The following PTPRD variants were observed in gnomAD, a reference collection of about 807,000 sequenced individuals.
PTPRD encodes receptor-type tyrosine-protein phosphatase delta.
In PTPRD, 34 loss-of-function variants were observed where a neutral mutation model predicts 214.5. The observed-to-expected ratio is 0.16, with a 90% CI of 0.12 to 0.21. The LOEUF (loss-of-function observed/expected upper bound fraction) is 0.21, where lower values mean the gene tolerates loss of function less well. Among genes scored for constraint, PTPRD ranks in the 10% least tolerant of loss-of-function variants. The pLI, the probability that PTPRD is intolerant of heterozygous loss-of-function variation, is 1.00. For missense variants in PTPRD, 2,545 were observed against 2,398.7 expected (o/e 1.06, Z -1.27); for synonymous variants, 1,128 against 845.7 (o/e 1.33, Z -5.79).
At chr9:10,464,570 C>T (rs2098981144) in intron 2 of PTPRD, among the ~76,000 whole-genome samples, 1 of 151,700 alleles carries the variant, frequency 6.6e-6, no homozygotes, top group Admixed American at 6.6e-5. Flanking sequence ...GTGAGGAGAG[C>T]ATACAGAATA....
intron 9 of PTPRD, among the ~76,000 whole-genome samples, chr9:9,333,239 G>C (rs544761162): frequency 1.3e-5 from 2 of 151,786 alleles, no homozygotes; most frequent in African/African-American, 4.8e-5. Context: ...CTTTGTAGGT[G>C]ACATAGAATA....
In PTPRD at chr9:9,339,574, C is replaced by T. The variant is rs1302917946; in HGVS notation, c.-203+57875G>A. 3.3e-5 allele frequency among the ~76,000 whole-genome samples: 5 copies of T among 152,182 alleles called. No homozygotes were observed. In the East Asian group the frequency reaches 9.6e-4, roughly 29 times the overall value. ...ATAAGTGCCTGGTATAGTCCTAACT[C>T]ACAGTTGTTACATAACACATATTTA... is the stretch of plus-strand genomic sequence containing the variant. On this transcript the variant is annotated intron_variant, in intron 9 of 45. Transcript: ENST00000381196.
intron 12 of PTPRD, among the ~76,000 whole-genome samples, chr9:8,662,300 T>C (rs1385432460): frequency 1.3e-5 from 2 of 151,636 alleles, no homozygotes; most frequent in Non-Finnish European, 2.9e-5. Flanking sequence ...ACTGCTATGT[T>C]GGAAAACAAA....
chr9:8,814,841 T>A (rs1320981034), intron 11 of PTPRD, among the ~76,000 whole-genome samples: 1 of 152,224 alleles, frequency 6.6e-6, no homozygotes, highest in Admixed American at 6.5e-5. Context: ...ACCCTTAACC[T>A]TAATAAGAGG....
chr9:8,892,760 C>T (rs918579360), intron 11 of PTPRD, among the ~76,000 whole-genome samples: 1 of 150,350 alleles, frequency 6.7e-6, no homozygotes, highest in Non-Finnish European at 1.5e-5. Context: ...CAAAGTTCTA[C>T]GGAAGCTCAG....
intron 4 of PTPRD, among the ~76,000 whole-genome samples, chr9:9,966,379 A>G (rs1443408422): frequency 6.6e-6 from 1 of 152,138 alleles, no homozygotes; most frequent in Non-Finnish European, 1.5e-5. Flanking sequence ...ATGTTCTTTC[A>G]AAGTAAATTT....
chr9:8,894,161 C>T (rs559990389), intron 11 of PTPRD, among the ~76,000 whole-genome samples: 42 of 151,944 alleles, frequency 2.8e-4, no homozygotes, highest in Non-Finnish European at 2.6e-4. Flanking sequence ...TGAGACTAGC[C>T]TGGCTAATGT....
At chr9:10,436,149 G>A (rs891389573) in intron 2 of PTPRD, among the ~76,000 whole-genome samples, 2 of 151,736 alleles carry the variant, frequency 1.3e-5, no homozygotes, top group African/African-American at 2.4e-5. Context: ...CACATTAGAA[G>A]ATGATAATAT....
intron 2 of PTPRD, among the ~76,000 whole-genome samples, chr9:10,388,370 C>A (rs923193281): frequency 3.3e-5 from 5 of 151,262 alleles, no homozygotes; most frequent in African/African-American, 1.2e-4. Context: ...GAATACAAGT[C>A]TGCATTTCTT....
chr9:8,881,960 T>A (rs2098449685), intron 11 of PTPRD, among the ~76,000 whole-genome samples: 1 of 152,188 alleles, frequency 6.6e-6, no homozygotes, highest in South Asian at 2.1e-4. Context: ...ACCATGTTTT[T>A]TCCTGCTGGG....
chr9:9,201,541 T>C lies in PTPRD; in HGVS notation c.-202-18178A>G, dbSNP rs541831398. ...GACATACATGGGGAATAGAGTACTA[T>C]ATTATAGACTTGGTGATTAAAAAAA... On this transcript the variant is annotated intron_variant, in intron 9 of 45. Transcript: ENST00000381196. 8.3e-4 allele frequency among the ~76,000 whole-genome samples: 127 copies of C among 152,268 alleles called. 1 individual carries two copies. Among genetic ancestry groups the C allele is most frequent in the African/African-American group, 3.0e-3 (125 of 41,552 alleles).
rs60685115 is a variant in PTPRD at position 8,490,802 on chromosome 9, G to A, written c.2467+2060C>T. The stretch of plus-strand genomic sequence containing the variant: ...TCCAAGATATGATTCTTTACAGGTT[G>A]TAGAAACAAGGTATAATAAACAAAT... On this transcript the variant is annotated intron_variant, in intron 27 of 45. Transcript: ENST00000381196. Among the ~76,000 whole-genome samples the A allele has an allele frequency of 1.8e-3, 275 of 152,274 alleles. 1 individual carries two copies. The highest frequency in any genetic ancestry group is 6.4e-3 in the African/African-American group (266 of 41,560).
intron 14 of PTPRD, among the ~76,000 whole-genome samples, chr9:8,627,951 G>T (rs534845147): frequency 6.6e-6 from 1 of 151,858 alleles, no homozygotes; most frequent in Non-Finnish European, 1.5e-5. Context: ...AAGCTTTATC[G>T]TGTTGGTATC....
chr9:9,943,130 A>G (rs1241742623), intron 4 of PTPRD, among the ~76,000 whole-genome samples: 1 of 152,150 alleles, frequency 6.6e-6, no homozygotes, highest in African/African-American at 2.4e-5. Context: ...AGTACAATCA[A>G]ACTCAAAATG....
intron 3 of PTPRD, among the ~76,000 whole-genome samples, chr9:10,103,795 G>C (rs759631297): frequency 6.6e-6 from 1 of 151,740 alleles, no homozygotes; most frequent in East Asian, 1.9e-4. Flanking sequence ...AATATATCAT[G>C]TTCTTGCTTG....
intron 8 of PTPRD, among the ~76,000 whole-genome samples, chr9:9,533,981 A>T (rs2076020756): frequency 6.6e-6 from 1 of 152,064 alleles, no homozygotes; most frequent in Non-Finnish European, 1.5e-5. Flanking sequence ...CATTTAAAAA[A>T]TATGTTAAAA....
chr9:10,355,902 A>G (rs1022212223), intron 2 of PTPRD, among the ~76,000 whole-genome samples: 1 of 152,194 alleles, frequency 6.6e-6, no homozygotes, highest in African/African-American at 2.4e-5. Context: ...AAATATTGTC[A>G]GTAGAAATTT....
chr9:8,807,648 G>A (rs184420822), intron 11 of PTPRD, among the ~76,000 whole-genome samples: 12 of 149,910 alleles, frequency 8.0e-5, no homozygotes, highest in African/African-American at 3.0e-4. Flanking sequence ...GATTTGGTTA[G>A]AGCTCACCTC....
intron 10 of PTPRD, among the ~76,000 whole-genome samples, chr9:9,091,893 C>T (rs2154432225): frequency 6.6e-6 from 1 of 152,252 alleles, no homozygotes; most frequent in Non-Finnish European, 1.5e-5. Flanking sequence ...GGAATAAGAC[C>T]TTTGAAAACC....
Sources: allele counts gnomAD v4.1 joint callset (sites outside exome capture counted in the v4.1 genomes callset), GRCh38; gene constraint gnomAD v4.1.1; transcripts MANE v1.5; gene names NCBI Gene and HGNC (gene_info 2026-07-23, HGNC 2026-07-21).